The following GEMIN6 variants were observed in gnomAD, a reference collection of about 807,000 sequenced individuals.
GEMIN6 encodes the protein gem-associated protein 6.
In GEMIN6, 13 loss-of-function variants were observed where a neutral mutation model predicts 14.1. The ratio of observed to expected loss-of-function variants is 0.92; its 90% CI spans 0.60 to 1.46. GEMIN6 has a LOEUF of 1.46. GEMIN6 is among the 40% of genes most tolerant of loss of function. GEMIN6 has a pLI of 0.00. For missense variants in GEMIN6, 271 were observed against 202.4 expected, an observed-to-expected ratio of 1.34 and a Z score of -2.06; for synonymous variants, 87 against 70.0, an observed-to-expected ratio of 1.24 and a Z score of -1.21.
rs371273337 is a variant in GEMIN6, at chr2:38,781,889, A to G, written c.501A>G (p.Gln167=). ...DLIEGHLTAS[Q] ...TTGAAGGACATCTTACAGCTTCCCA[A>G]TGAGAGGCCAGGAAGTGTGAACATA... Residue 167 remains glutamine (Q), a synonymous_variant, in exon 3 of 3, where the codon CAA becomes CAG. Coordinates refer to ENST00000281950, the MANE Select transcript of GEMIN6 (RefSeq NM_024775.10). The G allele has an allele frequency of 1.4e-5, 22 of 1,600,908 alleles. No individual in the cohort carries two copies. The African/African-American group carries it at 2.6e-4, about 19-fold the overall frequency.
At chr2:38,779,221 T>C in intron 2 of GEMIN6, 103 bp downstream of exon 2, 1 of 1,213,812 alleles carries the variant, frequency 8.2e-7, no homozygotes, top group Non-Finnish European at 1.2e-6. Flanking sequence ...TAATTATTAA[T>C]ATTTTCATAT....
chr2:38,779,170 G>C (rs757207570), intron 2 of GEMIN6, 52 bp downstream of exon 2: 4 of 1,528,880 alleles, frequency 2.6e-6, no homozygotes, highest in Non-Finnish European at 3.6e-6. Flanking sequence ...TGTGCTGCCT[G>C]TATGTTATAG....
Position 38,779,189 on chromosome 2 carries a change from A to G in GEMIN6, c.128+71A>G. The G allele has an allele frequency of 2.8e-6, 4 of 1,403,694 alleles. No homozygotes were observed. The South Asian group carries it at 5.4e-5, about 19-fold the overall frequency. 87.0% of individuals were successfully genotyped at this position (1,403,694 alleles called of 1,614,324 possible). A position where few individuals can be genotyped will look rare whatever the true frequency, so the allele number is the denominator to read the frequency against. On this transcript the variant is annotated intron_variant, in intron 2 of 2. Transcript: ENST00000281950. ...CTGCCTGTATGTTATAGACAAACTA[A>G]GAAAGCAGATAAATGAAAAGCTAAT... is the stretch of plus-strand genomic sequence containing the variant.
In GEMIN6 at chr2:38,784,531, A is replaced by C. The variant is rs77156140; in HGVS notation, c.*2639A>C. The C allele has an allele frequency of 4.5e-5, 1 of 22,326 alleles. No homozygotes were observed. The highest frequency in any genetic ancestry group is 5.0e-3 in the East Asian group (1 of 200). The allele number at this position is 22,326 out of a possible 1,614,324, so 1.4% of individuals were successfully genotyped here. ...GGGCAGCAGAACGAGACTCTGTCTC[A>C]AAAAAAAAAAAAAAGCCACGTAGGA... On this transcript the variant is annotated 3_prime_UTR_variant, in exon 3 of 3. Coordinates refer to ENST00000281950, the MANE Select transcript of GEMIN6 (RefSeq NM_024775.10).
intron 2 of GEMIN6, among the ~76,000 whole-genome samples, chr2:38,781,286 A>G (rs1374461927): frequency 6.6e-6 from 1 of 152,162 alleles, no homozygotes; most frequent in Non-Finnish European, 1.5e-5. Flanking sequence ...TTCTTTTCTA[A>G]TACACATTTA....
intron 2 of GEMIN6, among the ~76,000 whole-genome samples, chr2:38,780,723 G>C (rs1389204553): frequency 6.7e-6 from 1 of 149,438 alleles, no homozygotes; most frequent in Non-Finnish European, 1.5e-5. Flanking sequence ...CTGCCTCCCG[G>C]ATTCAAGTGA....
rs147157117 is a variant in GEMIN6, at chr2:38,782,216, T to C, written c.*324T>C. On this transcript the variant is annotated 3_prime_UTR_variant, in exon 3 of 3. Coordinates refer to ENST00000281950, the MANE Select transcript of GEMIN6 (RefSeq NM_024775.10). ...TTGAGTGCAGTGGCGCAATCTCAGC[T>C]CAGTGCAACCTCCGCCTCCCAGGTT... is the stretch of plus-strand genomic sequence containing the variant. 2.3e-3 allele frequency: 461 copies of C among 197,186 alleles called. 1 individual carries two copies. Among genetic ancestry groups the C allele is most frequent in the African/African-American group, 0.01 (437 of 42,506 alleles). The allele number at this position is 197,186 out of a possible 1,614,324, so 12.2% of individuals were successfully genotyped here. A position where few individuals can be genotyped will look rare whatever the true frequency, so the allele number is the denominator to read the frequency against.
At position 38,781,955 on chromosome 2, in the gene GEMIN6, TTAAATG is replaced by T. The variant is rs1443834280; in HGVS notation, c.*72_*77del. 6.9e-7 allele frequency: 1 copy of T among 1,453,008 alleles called. No homozygotes were observed. The highest frequency in any genetic ancestry group is 9.3e-7 in the Non-Finnish European group (1 of 1,072,948). The allele number at this position is 1,453,008 out of a possible 1,614,324, so 90.0% of individuals were successfully genotyped here. ...TATATTTTATCCCTCATAAAATGTT[TTAAATG>T]TAAATGTACATGACTGTGTGTGTGT... On this transcript the variant is annotated 3_prime_UTR_variant, in exon 3 of 3. Transcript: ENST00000281950.
rs906268195 is a variant in GEMIN6 at position 38,782,152 on chromosome 2, CT to C, written c.*270del. The C allele has an allele frequency of 0.01, 3,298 of 319,328 alleles. 12 individuals carry two copies. The highest frequency in any genetic ancestry group is 0.018 in the African/African-American group (814 of 45,052). 19.8% of individuals were successfully genotyped at this position (319,328 alleles called of 1,614,324 possible). A position where few individuals can be genotyped will look rare whatever the true frequency, so the allele number is the denominator to read the frequency against. ...TATGGGTCTTCTTTTTTCTTTTTTT[CT>C]TTTTTTTTTGAGATGGAGTCTCGCT... On this transcript the variant is annotated 3_prime_UTR_variant, in exon 3 of 3. Transcript: ENST00000281950.
intron 2 of GEMIN6, 52 bp downstream of exon 2, chr2:38,779,170 G>T (rs757207570): frequency 6.5e-7 from 1 of 1,528,878 alleles, no homozygotes; most frequent in Non-Finnish European, 8.9e-7. Flanking sequence ...TGTGCTGCCT[G>T]TATGTTATAG....
At chr2:38,780,237 G>A (rs554259882) in intron 2 of GEMIN6, among the ~76,000 whole-genome samples, 11 of 151,254 alleles carry the variant, frequency 7.3e-5, no homozygotes, top group East Asian at 2.1e-4. Flanking sequence ...GGAGAATGGC[G>A]TGAAGCTGGG....
In GEMIN6 at chr2:38,781,923, A is replaced by C. The variant is rs769324134; in HGVS notation, c.*31A>C. 2.6e-6 allele frequency: 4 copies of C among 1,552,880 alleles called. No homozygotes were observed. The highest frequency in any genetic ancestry group is 3.5e-6 in the Non-Finnish European group (4 of 1,149,910). ...CAGGAAGTGTGAACATACTGATAGA[A>C]AAAGACTATATTTTATCCCTCATAA... is the stretch of plus-strand genomic sequence containing the variant. On this transcript the variant is annotated 3_prime_UTR_variant, in exon 3 of 3. Coordinates refer to ENST00000281950, the MANE Select transcript of GEMIN6 (RefSeq NM_024775.10).
chr2:38,784,470 G>T lies in GEMIN6; in HGVS notation c.*2578G>T, dbSNP rs530745543. Reference sequence around the variant, plus strand: ...CACTCGCTTGAATCTGGGAGGTGGAGGTTGCAGTGAGCCGAGATTGTACGC... The same window carrying T: ...CACTCGCTTGAATCTGGGAGGTGGATGTTGCAGTGAGCCGAGATTGTACGC... On this transcript the variant is annotated 3_prime_UTR_variant, in exon 3 of 3. Coordinates refer to ENST00000281950, the MANE Select transcript of GEMIN6 (RefSeq NM_024775.10). 6.6e-6 allele frequency: 1 copy of T among 151,430 alleles called. No homozygotes were observed. Among genetic ancestry groups the T allele is most frequent in the East Asian group, 1.9e-4 (1 of 5,154 alleles). The allele number at this position is 151,430 out of a possible 1,614,324, so 9.4% of individuals were successfully genotyped here.
rs1438493682 is a variant in GEMIN6 at position 38,781,893 on chromosome 2, G to C, written c.*1G>C. ...AGGACATCTTACAGCTTCCCAATGA[G>C]AGGCCAGGAAGTGTGAACATACTGA... is the stretch of plus-strand genomic sequence containing the variant. On this transcript the variant is annotated 3_prime_UTR_variant, in exon 3 of 3. Transcript: ENST00000281950. 1 of 1,600,586 alleles carries C rather than the reference G, an allele frequency of 6.2e-7. No individual in the cohort carries two copies. The highest frequency in any genetic ancestry group is 8.5e-7 in the Non-Finnish European group (1 of 1,172,604).
intron 1 of GEMIN6, among the ~76,000 whole-genome samples, chr2:38,778,726 T>G (rs1197833717): frequency 6.6e-6 from 1 of 152,210 alleles, no homozygotes; most frequent in Non-Finnish European, 1.5e-5. Context: ...TTAGGCCGAA[T>G]TGTACATATT....
At position 38,782,770 on chromosome 2, in the gene GEMIN6, C is replaced by T. The variant is rs1173728439; in HGVS notation, c.*878C>T. On this transcript the variant is annotated 3_prime_UTR_variant, in exon 3 of 3. Transcript: ENST00000281950. ...CGAGATCGCGCCACTGCACTCTAGC[C>T]TGGGTGACAGAGCGAGACTCCGTCT... 6.8e-6 allele frequency: 1 copy of T among 146,300 alleles called. No homozygotes were observed. Among genetic ancestry groups the T allele is most frequent in the Non-Finnish European group, 1.5e-5 (1 of 67,100 alleles). 9.1% of individuals were successfully genotyped at this position (146,300 alleles called of 1,614,324 possible).
rs906268195 is a variant in GEMIN6 at position 38,782,152 on chromosome 2, C to CT, written c.*270dup. 7.4e-3 allele frequency: 2,377 copies of CT among 320,180 alleles called. No individual in the cohort carries two copies. Among genetic ancestry groups the CT allele is most frequent in the South Asian group, 0.012 (170 of 13,948 alleles). 19.8% of individuals were successfully genotyped at this position (320,180 alleles called of 1,614,324 possible). A position where few individuals can be genotyped will look rare whatever the true frequency, so the allele number is the denominator to read the frequency against. The stretch of plus-strand genomic sequence containing the variant: ...TATGGGTCTTCTTTTTTCTTTTTTT[C>CT]TTTTTTTTTTGAGATGGAGTCTCGC... On this transcript the variant is annotated 3_prime_UTR_variant, in exon 3 of 3. Coordinates refer to ENST00000281950, the MANE Select transcript of GEMIN6 (RefSeq NM_024775.10).
chr2:38,783,935 G>A lies in GEMIN6; in HGVS notation c.*2043G>A, dbSNP rs1272384389. On this transcript the variant is annotated 3_prime_UTR_variant, in exon 3 of 3. Coordinates refer to ENST00000281950, the MANE Select transcript of GEMIN6 (RefSeq NM_024775.10). ...AGATTGCTGGACCCTCCTCCCAACA[G>A]ATTCTGATTCAGTAGTTCTAGTTGG... The A allele has an allele frequency of 6.6e-6, 1 of 152,192 alleles. No individual in the cohort carries two copies. The highest frequency in any genetic ancestry group is 1.5e-5 in the Non-Finnish European group (1 of 68,050). 9.4% of individuals were successfully genotyped at this position (152,192 alleles called of 1,614,324 possible).
In GEMIN6 at chr2:38,781,919, TAGAAAA is replaced by T; in HGVS notation, c.*31_*36del. 6.4e-7 allele frequency: 1 copy of T among 1,559,918 alleles called. No homozygotes were observed. The highest frequency in any genetic ancestry group is 8.7e-7 in the Non-Finnish European group (1 of 1,154,122). ...AGGCCAGGAAGTGTGAACATACTGA[TAGAAAA>T]AGACTATATTTTATCCCTCATAAAA... On this transcript the variant is annotated 3_prime_UTR_variant, in exon 3 of 3. Transcript: ENST00000281950.
Sources: allele counts gnomAD v4.1 joint callset (sites outside exome capture counted in the v4.1 genomes callset), GRCh38; gene constraint gnomAD v4.1.1; transcripts MANE v1.5; gene names NCBI Gene and HGNC (gene_info 2026-07-23, HGNC 2026-07-21).